Variants in ZNF254 observed in about 807,000 individuals in gnomAD.
ZNF254 encodes the protein zinc finger protein 254.
A neutral mutation model predicts 12.4 loss-of-function variants in ZNF254; 10 were observed. The observed-to-expected ratio is 0.80, with a 90% CI of 0.50 to 1.36. ZNF254 has a LOEUF of 1.36. Ranked by LOEUF, ZNF254 falls within the 40% of genes most tolerant of loss-of-function variation. The pLI is 0.00. For synonymous variants in ZNF254, 305 were observed against 253.4 expected, an observed-to-expected ratio of 1.20 and a Z score of -1.93; for missense variants, 996 against 763.9, an observed-to-expected ratio of 1.30 and a Z score of -3.58.
chr19:24,094,282 G>T (rs1234900082), intron 1 of ZNF254, among the ~76,000 whole-genome samples: 1 of 151,678 alleles, frequency 6.6e-6, no homozygotes, highest in Non-Finnish European at 1.5e-5. Flanking sequence ...TTATTTTTTT[G>T]AGATGGAGTC....
At chr19:24,039,816 T>C (rs1451301572) in intron 1 of ZNF254, among the ~76,000 whole-genome samples, 1 of 152,182 alleles carries the variant, frequency 6.6e-6, no homozygotes, top group Non-Finnish European at 1.5e-5. Context: ...ACTGCTCTTA[T>C]GTTGTTGTGA....
At chr19:24,115,603 A>G (rs573992810) in intron 3 of ZNF254, among the ~76,000 whole-genome samples, 1 of 152,168 alleles carries the variant, frequency 6.6e-6, no homozygotes, top group South Asian at 2.1e-4. Context: ...GCAGCACACC[A>G]GCATGGCACA....
intron 2 of ZNF254, among the ~76,000 whole-genome samples, chr19:24,076,644 T>C (rs759208407): frequency 6.6e-6 from 1 of 152,144 alleles, no homozygotes; most frequent in African/African-American, 2.4e-5. Context: ...TGAAAAAAAT[T>C]TATTTGAATT....
chr19:24,058,176 C>A (rs992202779), intron 2 of ZNF254, among the ~76,000 whole-genome samples: 1 of 152,160 alleles, frequency 6.6e-6, no homozygotes, highest in Non-Finnish European at 1.5e-5. Flanking sequence ...TTGTTAATCT[C>A]ATTTGGACCT....
intron 2 of ZNF254, among the ~76,000 whole-genome samples, chr19:24,047,369 T>C (rs1401120916): frequency 6.6e-6 from 1 of 151,838 alleles, no homozygotes; most frequent in Admixed American, 6.6e-5. Flanking sequence ...TCTTCTTTTC[T>C]TCCCTCCTTT....
At chr19:24,113,121 A>G (rs564052223) in intron 3 of ZNF254, among the ~76,000 whole-genome samples, 3 of 152,220 alleles carry the variant, frequency 2.0e-5, no homozygotes, top group Non-Finnish European at 4.4e-5. Context: ...AACTGATACC[A>G]TTCCTTCTGA....
At chr19:24,060,083 T>C (rs752775052) in intron 2 of ZNF254, among the ~76,000 whole-genome samples, 2 of 152,122 alleles carry the variant, frequency 1.3e-5, no homozygotes, top group African/African-American at 2.4e-5. Context: ...ATCCTTGGGC[T>C]CAGCACCCAG....
intron 3 of ZNF254, among the ~76,000 whole-genome samples, chr19:24,115,830 G>A (rs937942044): frequency 6.6e-6 from 1 of 152,244 alleles, no homozygotes; most frequent in African/African-American, 2.4e-5. Context: ...GCAGTGGCTG[G>A]TACCGGTTGT....
intron 2 of ZNF254, chr19:24,078,744 T>C (rs1971747030): frequency 6.6e-6 from 1 of 152,144 alleles, no homozygotes; most frequent in African/African-American, 2.4e-5. Flanking sequence ...AGTGGGAAGC[T>C]TTTTGGGGCC....
chr19:24,118,057 C>CT lies in ZNF254; in HGVS notation c.254-8184dup, dbSNP rs1383003980. On this transcript the variant is annotated intron_variant, in intron 3 of 3. Coordinates refer to ENST00000357002, the MANE Select transcript of ZNF254 (RefSeq NM_203282.4). The stretch of plus-strand genomic sequence containing the variant: ...CACATGGGTTTCTTTTTTTTCTTTT[C>CT]TTTTTTTTTTTTTGAAATGGAGTCT... Among the ~76,000 whole-genome samples the CT allele has an allele frequency of 9.5e-3, 1,346 of 141,944 alleles. 15 individuals carry two copies. Among genetic ancestry groups the CT allele is most frequent in the African/African-American group, 0.013 (512 of 39,062 alleles). 93.1% of individuals were successfully genotyped at this position (141,944 alleles called of 152,430 possible). A position where few individuals can be genotyped will look rare whatever the true frequency, so the allele number is the denominator to read the frequency against.
Position 24,036,937 on chromosome 19 carries a change from C to T in ZNF254, c.-190+3316C>T, listed in dbSNP as rs151273539. 2.6e-5 allele frequency among the ~76,000 whole-genome samples: 4 copies of T among 152,262 alleles called. No individual in the cohort carries two copies. In the East Asian group the frequency reaches 7.7e-4, roughly 29 times the overall value. On this transcript the variant is annotated intron_variant, in intron 1 of 4. Transcript: ENST00000613065. ...AGGAATTACTCTATAGTGGCTTTAC[C>T]TCTAAAATTTCTCACCAAAGAATTA... is the stretch of plus-strand genomic sequence containing the variant.
At chr19:24,125,517 A>C (rs1974774515) in intron 3 of ZNF254, among the ~76,000 whole-genome samples, 1 of 152,176 alleles carries the variant, frequency 6.6e-6, no homozygotes, top group African/African-American at 2.4e-5. Flanking sequence ...GACATTAAAA[A>C]AAGCTACTTG....
Position 24,076,500 on chromosome 19 carries a change from G to T in ZNF254, c.-93-29440G>T, listed in dbSNP as rs567277528. Among the ~76,000 whole-genome samples, 143 of 152,238 alleles carry T rather than the reference G, an allele frequency of 9.4e-4. 1 individual carries two copies. The highest frequency in any genetic ancestry group is 3.3e-3 in the African/African-American group (139 of 41,542). On this transcript the variant is annotated intron_variant, in intron 2 of 4. Transcript: ENST00000613065. ...AGTGTATCTTGTGCTGATCTCCTAT[G>T]TTATTCTGTGACTAAGAATGCCTAA...
chr19:24,053,171 GTC>G (rs949852004), intron 2 of ZNF254, among the ~76,000 whole-genome samples: 30 of 152,254 alleles, frequency 2.0e-4, no homozygotes, highest in African/African-American at 7.2e-4. Flanking sequence ...AGAGGTTAGT[GTC>G]TCTGAGACCA....
At chr19:24,100,388 G>GAAA (rs200215068) in intron 1 of ZNF254, among the ~76,000 whole-genome samples, 1 of 85,086 alleles carries the variant, frequency 1.2e-5, no homozygotes, top group African/African-American at 4.1e-5. Flanking sequence ...CTTGAAATTT[G>GAAA]AAAAAAAAAA....
intron 3 of ZNF254, among the ~76,000 whole-genome samples, chr19:24,117,200 T>C (rs1974142347): frequency 1.3e-5 from 2 of 152,256 alleles, no homozygotes; most frequent in Admixed American, 6.5e-5. Context: ...CAGCTGTGTG[T>C]TGGGAGAACC....
At chr19:24,115,902 GTC>G (rs988364978) in intron 3 of ZNF254, among the ~76,000 whole-genome samples, 1 of 152,084 alleles carries the variant, frequency 6.6e-6, no homozygotes, top group Non-Finnish European at 1.5e-5. Flanking sequence ...TGGTGACAAA[GTC>G]TCTCAGCATT....
In ZNF254 at chr19:24,063,527, A is replaced by G. The variant is rs1222154248; in HGVS notation, c.-94+17248A>G. On this transcript the variant is annotated intron_variant, in intron 2 of 4. Transcript: ENST00000613065. ...TATGTTTATCTTTTGCTTGTGCCCTAAACACATAGCCTGAGTCCAACGACC... is the reference window on the plus strand; with the variant it reads ...TATGTTTATCTTTTGCTTGTGCCCTGAACACATAGCCTGAGTCCAACGACC... Among the ~76,000 whole-genome samples, 3 of 152,232 alleles carry G rather than the reference A, an allele frequency of 2.0e-5. No homozygotes were observed. The South Asian group carries it at 6.2e-4, about 32-fold the overall frequency.
At position 24,062,556 on chromosome 19, in the gene ZNF254, C is replaced by T. The variant is rs147796728; in HGVS notation, c.-94+16277C>T. ...ACTCTCAGGCACACCATATACAGTCCACAAGAGAGTGTCCTGACAGAGAGA... is the reference window on the plus strand; with the variant it reads ...ACTCTCAGGCACACCATATACAGTCTACAAGAGAGTGTCCTGACAGAGAGA... On this transcript the variant is annotated intron_variant, in intron 2 of 4. Coordinates refer to the ZNF254 transcript ENST00000613065. 2.6e-3 allele frequency among the ~76,000 whole-genome samples: 391 copies of T among 152,156 alleles called. 1 individual carries two copies. The highest frequency in any genetic ancestry group is 8.7e-3 in the African/African-American group (363 of 41,534).
Sources: gnomAD v4.1 joint callset for allele counts (sites outside exome capture counted in the v4.1 genomes callset) on GRCh38, gnomAD v4.1.1 for gene constraint, MANE v1.5 for transcripts, NCBI Gene and HGNC (gene_info 2026-07-23, HGNC 2026-07-21) for gene names.